The following CNTNAP2 variants were observed in gnomAD, a reference collection of about 807,000 sequenced individuals.
The protein encoded by CNTNAP2 is contactin-associated protein-like 2.
Under a neutral mutation model 155.2 loss-of-function variants are expected in CNTNAP2, and 98 were observed. The ratio of observed to expected loss-of-function variants is 0.63; its 90% CI spans 0.54 to 0.75. The LOEUF is 0.75. Ranked by LOEUF, CNTNAP2 falls within the 30% of genes least tolerant of loss-of-function variation. The pLI is 0.00. For synonymous variants in CNTNAP2, 651 were observed against 631.2 expected (o/e 1.03, Z -0.47); for missense variants, 1,727 against 1,688.1 (o/e 1.02, Z -0.40).
At chr7:146,696,343 C>G (rs903196935) in intron 1 of CNTNAP2, among the ~76,000 whole-genome samples, 1 of 152,110 alleles carries the variant, frequency 6.6e-6, no homozygotes, top group African/African-American at 2.4e-5. Context: ...CGCCTAATTT[C>G]TTAATGTCTA....
chr7:147,202,467 AC>A (rs956163583), intron 8 of CNTNAP2, among the ~76,000 whole-genome samples: 13 of 152,336 alleles, frequency 8.5e-5, no homozygotes, highest in Admixed American at 2.0e-4. Flanking sequence ...AAATAAAAAA[AC>A]ATTTATAGAT....
intron 15 of CNTNAP2, among the ~76,000 whole-genome samples, chr7:148,083,184 G>A (rs942843452): frequency 6.6e-6 from 1 of 152,140 alleles, no homozygotes; most frequent in Non-Finnish European, 1.5e-5. Context: ...TTGCTTTGTC[G>A]AGATGGGAGA....
At chr7:146,174,880 G>A (rs1798447754) in intron 1 of CNTNAP2, among the ~76,000 whole-genome samples, 1 of 152,002 alleles carries the variant, frequency 6.6e-6, no homozygotes, top group Admixed American at 6.6e-5. Context: ...GCACCCAGAG[G>A]AGGAAATAAT....
At chr7:146,212,049 A>T (rs917701194) in intron 1 of CNTNAP2, among the ~76,000 whole-genome samples, 2 of 152,138 alleles carry the variant, frequency 1.3e-5, no homozygotes, top group Admixed American at 6.6e-5. Context: ...TCATTCAAAG[A>T]TATTAAGATT....
intron 15 of CNTNAP2, among the ~76,000 whole-genome samples, chr7:148,106,756 C>G (rs1467825929): frequency 6.6e-6 from 1 of 152,068 alleles, no homozygotes; most frequent in Non-Finnish European, 1.5e-5. Flanking sequence ...TTTACTAAAT[C>G]AAAACTTTGT....
intron 14 of CNTNAP2, among the ~76,000 whole-genome samples, chr7:147,977,269 C>T (rs1801440226): frequency 6.6e-6 from 1 of 152,102 alleles, no homozygotes; most frequent in Non-Finnish European, 1.5e-5. Context: ...AGGAGGAAAG[C>T]CAACTGGGCT....
intron 1 of CNTNAP2, among the ~76,000 whole-genome samples, chr7:146,454,955 G>A (rs960724783): frequency 1.3e-4 from 20 of 152,116 alleles, no homozygotes; most frequent in African/African-American, 4.6e-4. Context: ...TAGCCAGTCC[G>A]TATATGGCTA....
chr7:146,417,905 C>T (rs12672819), intron 1 of CNTNAP2, among the ~76,000 whole-genome samples: 42,098 of 151,728 alleles, frequency 0.28, 6,021 homozygotes, highest in Admixed American at 0.41. Context: ...GTGTATGAGG[C>T]ACCAAATGCC....
At chr7:148,304,473 C>G (rs1411116983) in intron 21 of CNTNAP2, among the ~76,000 whole-genome samples, 2 of 152,044 alleles carry the variant, frequency 1.3e-5, no homozygotes, top group African/African-American at 4.8e-5. Flanking sequence ...ATATATTCAC[C>G]TGCTACTTGA....
intron 3 of CNTNAP2, among the ~76,000 whole-genome samples, chr7:146,893,529 T>C (rs1795820797): frequency 6.6e-6 from 1 of 151,590 alleles, no homozygotes; most frequent in African/African-American, 2.4e-5. Flanking sequence ...AGGAGGGAAA[T>C]GCATTTTCTC....
intron 1 of CNTNAP2, among the ~76,000 whole-genome samples, chr7:146,623,715 G>A (rs1425984230): frequency 2.6e-5 from 4 of 152,038 alleles, no homozygotes; most frequent in African/African-American, 9.7e-5. Context: ...AATGTTCATG[G>A]GCTGTGTGTG....
intron 15 of CNTNAP2, among the ~76,000 whole-genome samples, chr7:148,077,372 T>A (rs1563191346): frequency 6.6e-6 from 1 of 152,124 alleles, no homozygotes; most frequent in Non-Finnish European, 1.5e-5. Context: ...TAAGGAAACA[T>A]CTGCTTCTAC....
chr7:146,395,827 GA>G (rs1563068447), intron 1 of CNTNAP2, among the ~76,000 whole-genome samples: 6 of 70,916 alleles, frequency 8.5e-5, no homozygotes, highest in African/African-American at 2.7e-4. Context: ...ATAGATAGAG[GA>G]GAGAGAGAGA....
At chr7:147,049,930 C>G (rs1799441292) in intron 4 of CNTNAP2, among the ~76,000 whole-genome samples, 1 of 152,192 alleles carries the variant, frequency 6.6e-6, no homozygotes, top group South Asian at 2.1e-4. Flanking sequence ...GACGCTGACT[C>G]TATTCCAGGT....
At chr7:146,243,924 C>T (rs1254372219) in intron 1 of CNTNAP2, among the ~76,000 whole-genome samples, 1 of 152,086 alleles carries the variant, frequency 6.6e-6, no homozygotes, top group Non-Finnish European at 1.5e-5. Flanking sequence ...GGCGATGTTT[C>T]TCAGGGCTGC....
At chr7:146,663,241 C>T (rs1247955573) in intron 1 of CNTNAP2, among the ~76,000 whole-genome samples, 4 of 129,748 alleles carry the variant, frequency 3.1e-5, no homozygotes, top group African/African-American at 6.3e-5. Flanking sequence ...TCAGCCATTG[C>T]ACCTCAGCCT....
rs1309881586 is a variant in CNTNAP2 at position 147,396,167 on chromosome 7, CAT to C, written c.1670+399_1670+400del. ...TATGATAAATATATATGAGATATAT[CAT>C]ATATATATATAGCATATATATATAT... On this transcript the variant is annotated intron_variant, in intron 10 of 23. Coordinates refer to ENST00000361727, the MANE Select transcript of CNTNAP2 (RefSeq NM_014141.6). Among the ~76,000 whole-genome samples the C allele has an allele frequency of 1.9e-4, 17 of 91,358 alleles. 1 individual carries two copies. Among genetic ancestry groups the C allele is most frequent in the African/African-American group, 3.9e-4 (7 of 18,056 alleles). The allele number at this position is 91,358 out of a possible 152,430, so 59.9% of individuals were successfully genotyped here.
intron 3 of CNTNAP2, among the ~76,000 whole-genome samples, chr7:146,927,715 G>T (rs1024895807): frequency 6.6e-6 from 1 of 151,654 alleles, no homozygotes; most frequent in Middle Eastern, 3.4e-3. Context: ...ACTTTTCTTG[G>T]TCCTAACCCT....
At chr7:147,492,861 C>A (rs1347487175) in intron 11 of CNTNAP2, among the ~76,000 whole-genome samples, 1 of 152,120 alleles carries the variant, frequency 6.6e-6, no homozygotes, top group Non-Finnish European at 1.5e-5. Flanking sequence ...ATCTCTCCGC[C>A]CCCGCTCCTC....
Sources: allele counts gnomAD v4.1 joint callset (sites outside exome capture counted in the v4.1 genomes callset), GRCh38; gene constraint gnomAD v4.1.1; transcripts MANE v1.5; gene names NCBI Gene and HGNC (gene_info 2026-07-23, HGNC 2026-07-21).